The following LAPTM4B variants were observed in gnomAD, a reference collection of about 807,000 sequenced individuals.
LAPTM4B encodes lysosomal-associated transmembrane protein 4B.
Under a neutral mutation model 28.5 loss-of-function variants are expected in LAPTM4B, and 26 were observed. The observed-to-expected ratio is 0.91, with a 90% confidence interval of 0.67 to 1.27. The LOEUF is 1.27. Among genes scored for constraint, LAPTM4B ranks in the 50% most tolerant of loss-of-function variants. The pLI is 0.00. For synonymous variants in LAPTM4B, 109 were observed against 106.4 expected (o/e 1.02, Z -0.15); for missense variants, 288 against 285.8 (o/e 1.01, Z -0.06).
intron 1 of LAPTM4B, among the ~76,000 whole-genome samples, chr8:97,801,349 T>G (rs1193189250): frequency 6.6e-6 from 1 of 152,052 alleles, no homozygotes; most frequent in Non-Finnish European, 1.5e-5. Context: ...GTCCAGCTAA[T>G]TTTTCTATTT....
chr8:97,785,385 C>T (rs765460339), intron 1 of LAPTM4B, among the ~76,000 whole-genome samples: 2 of 152,106 alleles, frequency 1.3e-5, no homozygotes, highest in African/African-American at 2.4e-5. Flanking sequence ...GGTAAATGTT[C>T]ATTAGAATGT....
rs1482981062 is a variant in LAPTM4B at position 97,821,628 on chromosome 8, CT to C, written c.507+2392del. Among the ~76,000 whole-genome samples the C allele has an allele frequency of 4.6e-5, 7 of 151,870 alleles. No individual in the cohort carries two copies. The East Asian group carries it at 1.2e-3, about 25-fold the overall frequency. The stretch of plus-strand genomic sequence containing the variant: ...TGACGGTTTTGCATATGCTCTGCTA[CT>C]TGAGATAAGGGAGAACAGGTTCTTC... On this transcript the variant is annotated intron_variant, in intron 5 of 6. Coordinates refer to ENST00000521545, the MANE Select transcript of LAPTM4B (RefSeq NM_018407.6).
Position 97,804,488 on chromosome 8 carries a change from C to G in LAPTM4B, c.100-865C>G, listed in dbSNP as rs373527900. ...AAATTCCTGGATTCAAATCCCATCT[C>G]TACAGCTTGGTAGTTGTTTGTTCCT... On this transcript the variant is annotated intron_variant, in intron 1 of 6. Transcript: ENST00000521545. Among the ~76,000 whole-genome samples the G allele has an allele frequency of 7.9e-5, 12 of 152,288 alleles. No individual in the cohort carries two copies. The East Asian group carries it at 1.9e-3, about 24-fold the overall frequency.
At chr8:97,845,213 G>T (rs1456141866) in intron 6 of LAPTM4B, among the ~76,000 whole-genome samples, 2 of 152,124 alleles carry the variant, frequency 1.3e-5, no homozygotes, top group Non-Finnish European at 2.9e-5. Flanking sequence ...TGCATCATCA[G>T]CTAGTGTTTA....
intron 6 of LAPTM4B, among the ~76,000 whole-genome samples, chr8:97,838,485 C>T (rs773397861): frequency 3.9e-5 from 6 of 152,338 alleles, no homozygotes; most frequent in South Asian, 2.1e-4. Context: ...GAGTCCTTCA[C>T]GTACTAGGTC....
chr8:97,849,821 T>G (rs1586349473), intron 6 of LAPTM4B, among the ~76,000 whole-genome samples: 1 of 70,228 alleles, frequency 1.4e-5, no homozygotes. Flanking sequence ...CCTGCCCGCC[T>G]GCCCGCCCCC....
intron 1 of LAPTM4B, among the ~76,000 whole-genome samples, chr8:97,782,702 C>T (rs1215948922): frequency 6.7e-6 from 1 of 150,066 alleles, no homozygotes; most frequent in African/African-American, 2.5e-5. Context: ...TCCCAAAGTG[C>T]TGGGATTACG....
Position 97,775,955 on chromosome 8 carries a change from G to GCGGGCTCCAGGCGAGT in LAPTM4B, c.-52_-51insGCTCCAGGCGAGTCGG. 6.6e-7 allele frequency: 1 copy of GCGGGCTCCAGGCGAGT among 1,511,972 alleles called. No individual in the cohort carries two copies. Among genetic ancestry groups the GCGGGCTCCAGGCGAGT allele is most frequent in the South Asian group, 1.3e-5 (1 of 79,938 alleles). 93.7% of individuals were successfully genotyped at this position (1,511,972 alleles called of 1,614,324 possible). A position where few individuals can be genotyped will look rare whatever the true frequency, so the allele number is the denominator to read the frequency against. On this transcript the variant is annotated 5_prime_UTR_variant, in exon 1 of 7. Transcript: ENST00000521545. ...AGCGGCGCGGCGGGCTCCAGGCGAG[G>GCGGGCTCCAGGCGAGT]CGGTCGACGCTCCTGAAAACTTGCG...
chr8:97,777,174 TCTCA>T (rs1182269044), intron 1 of LAPTM4B, among the ~76,000 whole-genome samples: 1 of 118,232 alleles, frequency 8.5e-6, no homozygotes, highest in Admixed American at 1.1e-4. Flanking sequence ...TGAGACAGAG[TCTCA>T]CTCTGTGGCC....
chr8:97,842,269 T>A (rs971276124), intron 6 of LAPTM4B, among the ~76,000 whole-genome samples: 1 of 152,198 alleles, frequency 6.6e-6, no homozygotes, highest in Non-Finnish European at 1.5e-5. Flanking sequence ...GAAATGACAT[T>A]TAAAAACTTC....
chr8:97,808,353 A>C (rs1202531270), intron 2 of LAPTM4B, among the ~76,000 whole-genome samples: 2 of 152,030 alleles, frequency 1.3e-5, no homozygotes, highest in Non-Finnish European at 2.9e-5. Context: ...AGGCTGAGGC[A>C]GGAGAATTGC....
intron 1 of LAPTM4B, 97 bp downstream of exon 1, chr8:97,776,205 T>A: frequency 2.3e-6 from 3 of 1,312,332 alleles, no homozygotes; most frequent in African/African-American, 1.6e-5. Context: ...CGTGCGCTCA[T>A]CCGCCTAAAG....
At chr8:97,802,922 C>G (rs1337959209) in intron 1 of LAPTM4B, among the ~76,000 whole-genome samples, 3 of 152,052 alleles carry the variant, frequency 2.0e-5, no homozygotes, top group Non-Finnish European at 4.4e-5. Flanking sequence ...TTATTCCGGC[C>G]AGGCACGGTG....
chr8:97,776,280 C>T (rs1266275787), intron 1 of LAPTM4B, among the ~76,000 whole-genome samples, 172 bp downstream of exon 1: 1 of 152,218 alleles, frequency 6.6e-6, no homozygotes, highest in Non-Finnish European at 1.5e-5. Context: ...GGGCCAGCGC[C>T]GACTGGGGGA....
intron 6 of LAPTM4B, among the ~76,000 whole-genome samples, chr8:97,850,101 C>T (rs1347096787): frequency 6.6e-6 from 1 of 151,858 alleles, no homozygotes; most frequent in Non-Finnish European, 1.5e-5. Context: ...TTGTTCCGTC[C>T]CTGAGTGCCG....
chr8:97,821,633 G>T (rs550275826), intron 5 of LAPTM4B, among the ~76,000 whole-genome samples: 1 of 152,312 alleles, frequency 6.6e-6, no homozygotes, highest in African/African-American at 2.4e-5. Flanking sequence ...TGCTACTTGA[G>T]ATAAGGGAGA....
At chr8:97,807,027 C>T (rs960399741) in intron 2 of LAPTM4B, among the ~76,000 whole-genome samples, 17 of 152,298 alleles carry the variant, frequency 1.1e-4, no homozygotes, top group African/African-American at 4.1e-4. Context: ...GAGGCCTCCC[C>T]AGCCATGTGG....
rs766091754 is a variant in LAPTM4B at position 97,775,963 on chromosome 8, C to G, written c.-47C>G. 7.2e-6 allele frequency: 11 copies of G among 1,531,124 alleles called. No individual in the cohort carries two copies. Among genetic ancestry groups the G allele is most frequent in the South Asian group, 1.2e-5 (1 of 82,434 alleles). The allele number at this position is 1,531,124 out of a possible 1,614,324, so 94.8% of individuals were successfully genotyped here. The stretch of plus-strand genomic sequence containing the variant: ...GGCGGGCTCCAGGCGAGGCGGTCGA[C>G]GCTCCTGAAAACTTGCGCGCGCGCT... On this transcript the variant is annotated 5_prime_UTR_variant, in exon 1 of 7. Coordinates refer to ENST00000521545, the MANE Select transcript of LAPTM4B (RefSeq NM_018407.6).
At chr8:97,788,348 G>A (rs1816440004) in intron 1 of LAPTM4B, 2 of 332,602 alleles carry the variant, frequency 6.0e-6, no homozygotes, top group South Asian at 6.5e-5. Context: ...TGAAAGTCTT[G>A]TGAGAAGACA....
Sources: allele counts gnomAD v4.1 joint callset (sites outside exome capture counted in the v4.1 genomes callset), GRCh38; gene constraint gnomAD v4.1.1; transcripts MANE v1.5; gene names NCBI Gene and HGNC (gene_info 2026-07-23, HGNC 2026-07-21).